The following RRN3 variants were observed in gnomAD, a reference collection of about 807,000 sequenced individuals.
RRN3 encodes RNA polymerase I-specific transcription initiation factor RRN3.
Under a neutral mutation model 82.3 loss-of-function variants are expected in RRN3, and 38 were observed. That is an observed-to-expected ratio of 0.46 (90% CI 0.36 to 0.61). The LOEUF (loss-of-function observed/expected upper bound fraction) is 0.61, where lower values mean the gene tolerates loss of function less well. Among genes scored for constraint, RRN3 ranks in the 20% least tolerant of loss-of-function variants. The pLI, the probability that RRN3 is intolerant of heterozygous loss-of-function variation, is 0.00. For synonymous variants in RRN3, 284 were observed against 284.3 expected, an observed-to-expected ratio of 1.00 and a Z score of 0.01; for missense variants, 726 against 793.1, an observed-to-expected ratio of 0.92 and a Z score of 1.02.
intron 14 of RRN3, among the ~76,000 whole-genome samples, chr16:15,068,957 A>T (rs74358952): frequency 2.6e-5 from 4 of 152,334 alleles, no homozygotes; most frequent in African/African-American, 4.8e-5. Context: ...GGGATGTCAC[A>T]GCTTACAAAA....
At chr16:15,067,083 A>G (rs2045012337) in intron 15 of RRN3, among the ~76,000 whole-genome samples, 1 of 145,580 alleles carries the variant, frequency 6.9e-6, no homozygotes, top group South Asian at 2.3e-4. Flanking sequence ...GCCGTTGCTT[A>G]TTGGTCTCTT....
At position 15,071,311 on chromosome 16, in the gene RRN3, A is replaced by G. The variant is rs931701157; in HGVS notation, c.1129-60T>C. 3.5e-5 allele frequency: 53 copies of G among 1,494,574 alleles called. No homozygotes were observed. The African/African-American group carries it at 6.5e-4, about 18-fold the overall frequency. 92.6% of individuals were successfully genotyped at this position (1,494,574 alleles called of 1,614,324 possible). ...TAATGCCTAAGATAATCTGGCTATC[A>G]AAATCCCAAGATTTTTACTTCACCA... On this transcript the variant is annotated intron_variant, in intron 12 of 17. Transcript: ENST00000198767.
In RRN3 at chr16:15,078,878, C is replaced by T. The variant is rs2045575067; in HGVS notation, c.765+1120G>A. On this transcript the variant is annotated intron_variant, in intron 9 of 17. Transcript: ENST00000198767. ...CCAGGCTGGAGCGGAGTGGCGCAAT[C>T]TCGGCTCACTGCAAGCTCCACCTCC... Among the ~76,000 whole-genome samples the T allele has an allele frequency of 2.7e-5, 4 of 148,026 alleles. No individual in the cohort carries two copies. In the South Asian group the frequency reaches 8.6e-4, roughly 32 times the overall value.
intron 6 of RRN3, among the ~76,000 whole-genome samples, chr16:15,085,064 T>C (rs946723101): frequency 2.6e-5 from 4 of 151,408 alleles, no homozygotes; most frequent in Admixed American, 2.6e-4. Context: ...AGACTCTGTC[T>C]CAAAAAACAA....
intron 11 of RRN3, among the ~76,000 whole-genome samples, chr16:15,074,274 T>C (rs1361266080): frequency 2.0e-5 from 3 of 152,142 alleles, no homozygotes; most frequent in Admixed American, 6.5e-5. Context: ...GGAAAAAAAT[T>C]CTGTTTTCGC....
chr16:15,066,239 G>A (rs1028132775), intron 15 of RRN3, among the ~76,000 whole-genome samples: 3 of 152,160 alleles, frequency 2.0e-5, no homozygotes, highest in African/African-American at 7.2e-5. Flanking sequence ...AGGTAAAGTT[G>A]AAGATCTGCA....
intron 6 of RRN3, 45 bp from the exon 7 acceptor site, chr16:15,084,750 A>G (rs771935302): frequency 1.5e-6 from 2 of 1,347,834 alleles, no homozygotes; most frequent in Non-Finnish European, 2.1e-6. Flanking sequence ...AACAAAACTG[A>G]AGGGCGACAC....
intron 3 of RRN3, among the ~76,000 whole-genome samples, chr16:15,090,026 T>C (rs1598008890): frequency 2.0e-5 from 3 of 151,906 alleles, no homozygotes; most frequent in Admixed American, 6.6e-5. Context: ...CTGGCCAACA[T>C]GGTGAAACCC....
Position 15,085,754 on chromosome 16 carries a change from C to G in RRN3, c.473-56G>C, listed in dbSNP as rs369258444. On this transcript the variant is annotated intron_variant, in intron 5 of 17. Transcript: ENST00000198767. Reference sequence around the variant, plus strand: ...TGTCATTGATCTAGACAATGAATGGCTATACAAAAAAAGTTACTGACCTAG... The same window carrying G: ...TGTCATTGATCTAGACAATGAATGGGTATACAAAAAAAGTTACTGACCTAG... 1.6e-4 allele frequency: 256 copies of G among 1,604,000 alleles called. 2 individuals carry two copies. The East Asian group carries it at 5.0e-3, about 32-fold the overall frequency.
At chr16:15,088,111 C>T (rs948840674) in intron 3 of RRN3, among the ~76,000 whole-genome samples, 17 of 151,316 alleles carry the variant, frequency 1.1e-4, no homozygotes, top group South Asian at 8.3e-4. Context: ...AGCAAAACTC[C>T]GTCTCAAAAA....
chr16:15,088,773 C>T (rs893336341), intron 3 of RRN3, among the ~76,000 whole-genome samples: 3 of 152,098 alleles, frequency 2.0e-5, no homozygotes, highest in African/African-American at 4.8e-5. Flanking sequence ...ACCAAGCCAA[C>T]AGATAATAAA....
intron 17 of RRN3, 79 bp downstream of exon 17, chr16:15,063,117 A>T: frequency 9.0e-7 from 1 of 1,105,826 alleles, no homozygotes; most frequent in Non-Finnish European, 1.4e-6. Context: ...CGCACGAACG[A>T]CTTGCCACTT....
intron 17 of RRN3, 44 bp from the exon 18 acceptor site, chr16:15,061,949 C>G: frequency 6.4e-7 from 1 of 1,554,828 alleles, no homozygotes; most frequent in Non-Finnish European, 8.8e-7. Flanking sequence ...CCAGTGCTGA[C>G]TGAAAAGCTT....
chr16:15,083,579 T>C lies in RRN3; in HGVS notation c.600A>G (p.Thr200=), dbSNP rs868023670. The change falls in exon 8 of 18, where the codon ACA becomes ACG. Residue 200 remains threonine (T), a synonymous_variant. Transcript: ENST00000198767. ...CCAGTATTGGCATGAGAAACCACGGTGTCCTATTTTTAAAAAATTAAATCA... is the reference window on the plus strand; with the variant it reads ...CCAGTATTGGCATGAGAAACCACGGCGTCCTATTTTTAAAAAATTAAATCA... ...LQIIARYVPS[T]PWFLMPILVE... 15 of 1,601,574 alleles carry C rather than the reference T, an allele frequency of 9.4e-6. No homozygotes were observed. Among genetic ancestry groups the C allele is most frequent in the African/African-American group, 6.8e-5 (5 of 73,998 alleles).
chr16:15,078,596 G>A (rs192273436), intron 9 of RRN3, among the ~76,000 whole-genome samples: 6 of 152,164 alleles, frequency 3.9e-5, no homozygotes, highest in South Asian at 2.1e-4. Context: ...TCCTTCCGGC[G>A]GATCCTTCCT....
intron 1 of RRN3, chr16:15,093,942 A>G (rs2046243477): frequency 3.3e-6 from 2 of 601,438 alleles, no homozygotes; most frequent in Non-Finnish European, 5.9e-6. Flanking sequence ...AGAACAGAGA[A>G]CATAGTCACT....
At position 15,086,094 on chromosome 16, in the gene RRN3, T is replaced by C. The variant is rs772422104; in HGVS notation, c.472+35A>G. On this transcript the variant is annotated intron_variant, in intron 5 of 17. Coordinates refer to ENST00000198767, the MANE Select transcript of RRN3 (RefSeq NM_018427.5). ...AAGGTAGTATTTTAATAAAGAAGTATTAAAAAGAAAATAAAATTCCAAGCA... is the reference window on the plus strand; with the variant it reads ...AAGGTAGTATTTTAATAAAGAAGTACTAAAAAGAAAATAAAATTCCAAGCA... The C allele has an allele frequency of 2.5e-6, 4 of 1,587,910 alleles. No individual in the cohort carries two copies. The African/African-American group carries it at 4.1e-5, about 16-fold the overall frequency.
In RRN3 at chr16:15,071,334, C is replaced by T. The variant is rs1402953166; in HGVS notation, c.1129-83G>A. 15 of 1,314,866 alleles carry T rather than the reference C, an allele frequency of 1.1e-5. No individual in the cohort carries two copies. In the East Asian group the frequency reaches 3.1e-4, roughly 27 times the overall value. 81.4% of individuals were successfully genotyped at this position (1,314,866 alleles called of 1,614,324 possible). Reference sequence around the variant, plus strand: ...TCAAAATCCCAAGATTTTTACTTCACCAATGTAGGGAAAAGTTCTACTATC... The same window carrying T: ...TCAAAATCCCAAGATTTTTACTTCATCAATGTAGGGAAAAGTTCTACTATC... On this transcript the variant is annotated intron_variant, in intron 12 of 17. Coordinates refer to ENST00000198767, the MANE Select transcript of RRN3 (RefSeq NM_018427.5).
intron 1 of RRN3, among the ~76,000 whole-genome samples, 183 bp from the exon 2 acceptor site, chr16:15,092,797 T>C (rs189971656): frequency 6.6e-5 from 10 of 152,314 alleles, no homozygotes; most frequent in Admixed American, 2.0e-4. Context: ...GTCTTCCCAC[T>C]GCACTTACAG....
Sources: gnomAD v4.1 joint callset for allele counts (sites outside exome capture counted in the v4.1 genomes callset) on GRCh38, gnomAD v4.1.1 for gene constraint, MANE v1.5 for transcripts, NCBI Gene and HGNC (gene_info 2026-07-23, HGNC 2026-07-21) for gene names.